Variants in TNNI3 observed in about 807,000 individuals in gnomAD.
The protein encoded by TNNI3 is troponin I3, cardiac type.
A neutral mutation model predicts 31.5 loss-of-function variants in TNNI3; 23 were observed. That is an observed-to-expected ratio of 0.73 (90% CI 0.52 to 1.03). The LOEUF (loss-of-function observed/expected upper bound fraction) is 1.03, where lower values mean the gene tolerates loss of function less well. Among genes scored for constraint, TNNI3 ranks in the 50% least tolerant of loss-of-function variants. The pLI is 0.00. For missense variants in TNNI3, 236 were observed against 282.9 expected, an observed-to-expected ratio of 0.83 and a Z score of 1.19; for synonymous variants, 120 against 111.7, an observed-to-expected ratio of 1.07 and a Z score of -0.47.
intron 6 of TNNI3, 44 bp from the exon 7 acceptor site, chr19:55,154,250 G>A (rs750903734): frequency 7.6e-6 from 12 of 1,586,750 alleles, no homozygotes; most frequent in Admixed American, 6.7e-5. Flanking sequence ...TCCATTTCCC[G>A]CACACCCAAC....
rs1014509995 is a variant in TNNI3 at position 55,152,342 on chromosome 19, A to G, written c.550-425T>C. Among the ~76,000 whole-genome samples, 6 of 151,744 alleles carry G rather than the reference A, an allele frequency of 4.0e-5. No homozygotes were observed. The highest frequency in any genetic ancestry group is 1.2e-4 in the African/African-American group (5 of 41,222). The stretch of plus-strand genomic sequence containing the variant: ...TTATAGTAGTCCCTCCTTTTCTGCA[A>G]TTTTACTTTGTGTGGTTTCAGTTAC... On this transcript the variant is annotated intron_variant, in intron 7 of 7. Coordinates refer to ENST00000344887, the MANE Select transcript of TNNI3 (RefSeq NM_000363.5). The surrounding 1 kb of genome is among the most constrained non-coding windows in gnomAD (Gnocchi z 4.0).
chr19:55,156,992 C>T lies in TNNI3; in HGVS notation c.108+58G>A, dbSNP rs567471142. The T allele has an allele frequency of 2.0e-4, 306 of 1,530,816 alleles. 1 individual carries two copies. The highest frequency in any genetic ancestry group is 1.7e-4 in the Non-Finnish European group (191 of 1,136,784). The allele number at this position is 1,530,816 out of a possible 1,614,324, so 94.8% of individuals were successfully genotyped here. ...CGCAGCCCTGGCTCCTCCCCCCACTCCCAGGGTCTTGGATCCCTCCGGCGC... is the reference window on the plus strand; with the variant it reads ...CGCAGCCCTGGCTCCTCCCCCCACTTCCAGGGTCTTGGATCCCTCCGGCGC... On this transcript the variant is annotated intron_variant, in intron 3 of 7. Coordinates refer to ENST00000344887, the MANE Select transcript of TNNI3 (RefSeq NM_000363.5). The surrounding 1 kb of genome is among the most constrained non-coding windows in gnomAD (Gnocchi z 4.6).
chr19:55,151,964 CA>C, intron 7 of TNNI3, 47 bp from the exon 8 acceptor site: 1 of 1,573,756 alleles, frequency 6.4e-7, no homozygotes, highest in Non-Finnish European at 8.7e-7. Flanking sequence ...TCTTGGTCTC[CA>C]GTCTCTCAAG....
chr19:55,156,939 A>G lies in TNNI3; in HGVS notation c.108+111T>C. ...ACCCTCTGCAAAACTCCGCCCCTGA[A>G]GCCCCTCCGCGTAGTCCCCGCCCCC... is the stretch of plus-strand genomic sequence containing the variant. On this transcript the variant is annotated intron_variant, in intron 3 of 7. Coordinates refer to ENST00000344887, the MANE Select transcript of TNNI3 (RefSeq NM_000363.5). This position sits in a 1 kb window ranked among gnomAD's most constrained non-coding sequence, Gnocchi z 4.6. 2 of 1,261,326 alleles carry G rather than the reference A, an allele frequency of 1.6e-6. No individual in the cohort carries two copies. Among genetic ancestry groups the G allele is most frequent in the Non-Finnish European group, 2.2e-6 (2 of 897,050 alleles). The allele number at this position is 1,261,326 out of a possible 1,614,324, so 78.1% of individuals were successfully genotyped here.
In TNNI3 at chr19:55,157,381, C is replaced by G. The variant is rs1406303085; in HGVS notation, c.12-73G>C. 34 of 1,609,448 alleles carry G rather than the reference C, an allele frequency of 2.1e-5. No individual in the cohort carries two copies. The highest frequency in any genetic ancestry group is 2.9e-5 in the Non-Finnish European group (34 of 1,177,468). On this transcript the variant is annotated intron_variant, in intron 1 of 7. Coordinates refer to ENST00000344887, the MANE Select transcript of TNNI3 (RefSeq NM_000363.5). This position sits in a 1 kb window ranked among gnomAD's most constrained non-coding sequence, Gnocchi z 6.3. ...TGTCTCCTAAGGGACCCCTGGAGTC[C>G]CCTCTGAACAAGAGGTCGGGGGACC... is the stretch of plus-strand genomic sequence containing the variant.
rs727503508 is a variant in TNNI3, at chr19:55,156,225, G to A, written c.258C>T (p.Ala86=). ...CCTGCAGCTCCGCGAAGCCCAGCCCGGCCAACTCCAGCGGCTGGCAGCGGG... is the reference window on the plus strand; with the variant it reads ...CCTGCAGCTCCGCGAAGCCCAGCCCAGCCAACTCCAGCGGCTGGCAGCGGG... ...LSTRCQPLEL[A]GLGFAELQDL... is the part of the protein sequence containing the mutation. Residue 86 remains alanine (A), a synonymous_variant, in exon 5 of 8, where the codon GCC becomes GCT. Coordinates refer to ENST00000344887, the MANE Select transcript of TNNI3 (RefSeq NM_000363.5). This position sits in a 1 kb window ranked among gnomAD's most constrained non-coding sequence, Gnocchi z 4.6. The A allele has an allele frequency of 3.7e-6, 6 of 1,612,562 alleles. No individual in the cohort carries two copies. The highest frequency in any genetic ancestry group is 5.1e-6 in the Non-Finnish European group (6 of 1,179,834).
Position 55,157,520 on chromosome 19 carries a change from C to T in TNNI3, c.11+59G>A. 6.2e-7 allele frequency: 1 copy of T among 1,609,358 alleles called. No individual in the cohort carries two copies. The highest frequency in any genetic ancestry group is 8.5e-7 in the Non-Finnish European group (1 of 1,176,570). Reference sequence around the variant, plus strand: ...CAAGGGTCCAGCCTCTCAGCTGCGACCCCTCTTGGGAACCCGGGAGGTCGC... The same window carrying T: ...CAAGGGTCCAGCCTCTCAGCTGCGATCCCTCTTGGGAACCCGGGAGGTCGC... On this transcript the variant is annotated intron_variant, in intron 1 of 7. Transcript: ENST00000344887. This position sits in a 1 kb window ranked among gnomAD's most constrained non-coding sequence, Gnocchi z 6.3.
chr19:55,154,779 ATC>A lies in TNNI3; in HGVS notation c.332_333del (p.Arg111IlefsTer23), dbSNP rs1555863715. The A allele has an allele frequency of 1.2e-6, 2 of 1,614,206 alleles. No individual in the cohort carries two copies. Among genetic ancestry groups the A allele is most frequent in the Non-Finnish European group, 1.7e-6 (2 of 1,180,034 alleles). On this transcript the variant is annotated frameshift_variant, in exon 6 of 8. Transcript: ENST00000344887. LOFTEE classifies it high-confidence loss of function. ...HARVDKVDEE[R>X]YDIEAKVTKN... ...TTGGTGACTTTTGCCTCTATGTCGTATCTCTCTTCATCCACCTTGTCCACACG... is the reference window on the plus strand; with the variant it reads ...TTGGTGACTTTTGCCTCTATGTCGTATCTCTTCATCCACCTTGTCCACACG...
At position 55,152,603 on chromosome 19, in the gene TNNI3, C is replaced by T. The variant is rs28591612; in HGVS notation, c.550-686G>A. Among the ~76,000 whole-genome samples, 3,991 of 152,216 alleles carry T rather than the reference C, an allele frequency of 0.026. 181 individuals carry two copies. Among genetic ancestry groups the T allele is most frequent in the African/African-American group, 0.091 (3,771 of 41,506 alleles). On this transcript the variant is annotated intron_variant, in intron 7 of 7. Coordinates refer to ENST00000344887, the MANE Select transcript of TNNI3 (RefSeq NM_000363.5). The surrounding 1 kb of genome is among the most constrained non-coding windows in gnomAD (Gnocchi z 4.0). The stretch of plus-strand genomic sequence containing the variant: ...GAGACCACATTCATGAGTTTTATTA[C>T]AATCTGTTATAATTGTTCTATTTTA...
chr19:55,156,475 C>A lies in TNNI3; in HGVS notation c.150+128G>T. ...CCGTCCCACCCCGAGCAGTACTCCC[C>A]GCTAAAGCCACGCCCCGAGCGGCCA... On this transcript the variant is annotated intron_variant, in intron 4 of 7. Transcript: ENST00000344887. The surrounding 1 kb of genome is among the most constrained non-coding windows in gnomAD (Gnocchi z 4.6). 6.6e-7 allele frequency: 1 copy of A among 1,505,644 alleles called. No homozygotes were observed. Among genetic ancestry groups the A allele is most frequent in the South Asian group, 1.2e-5 (1 of 82,706 alleles). The allele number at this position is 1,505,644 out of a possible 1,614,324, so 93.3% of individuals were successfully genotyped here.
At chr19:55,154,633 G>C (rs973279027) in intron 6 of TNNI3, 108 bp downstream of exon 6, 1 of 926,654 alleles carries the variant, frequency 1.1e-6, no homozygotes, top group Non-Finnish European at 1.7e-6. Context: ...AGTTGTCCTG[G>C]GTCTCCTGGG....
chr19:55,153,062 C>T (rs909420970), intron 7 of TNNI3, among the ~76,000 whole-genome samples: 8 of 151,814 alleles, frequency 5.3e-5, no homozygotes, highest in Non-Finnish European at 1.0e-4. Context: ...CCTCCCAAAG[C>T]GCTGGGATTA....
chr19:55,154,382 C>T (rs1386293399), intron 6 of TNNI3, 176 bp from the exon 7 acceptor site: 1 of 703,558 alleles, frequency 1.4e-6, no homozygotes, highest in African/African-American at 1.8e-5. Flanking sequence ...GAATCCCCCT[C>T]CTCATATGCT....
Position 55,156,055 on chromosome 19 carries a change from G to T in TNNI3, c.282+146C>A. On this transcript the variant is annotated intron_variant, in intron 5 of 7. Coordinates refer to ENST00000344887, the MANE Select transcript of TNNI3 (RefSeq NM_000363.5). This position sits in a 1 kb window ranked among gnomAD's most constrained non-coding sequence, Gnocchi z 4.6. ...AGACTCCACAGACCTGCACACAAAG[G>T]GTGTTAGGGGCCAGGAGTCCCACGA... 1 of 1,214,356 alleles carries T rather than the reference G, an allele frequency of 8.2e-7. No individual in the cohort carries two copies. Among genetic ancestry groups the T allele is most frequent in the South Asian group, 1.3e-5 (1 of 78,308 alleles). 75.2% of individuals were successfully genotyped at this position (1,214,356 alleles called of 1,614,324 possible).
Position 55,156,138 on chromosome 19 carries a change from G to C in TNNI3, c.282+63C>G. ...GGACGCCTGGGTCCCGAGCAGAAGA[G>C]GGGATAGAGGCTGTACTGCTGAATT... On this transcript the variant is annotated intron_variant, in intron 5 of 7. Coordinates refer to ENST00000344887, the MANE Select transcript of TNNI3 (RefSeq NM_000363.5). The surrounding 1 kb of genome is among the most constrained non-coding windows in gnomAD (Gnocchi z 4.6). 6.2e-6 allele frequency: 10 copies of C among 1,611,888 alleles called. No individual in the cohort carries two copies. Among genetic ancestry groups the C allele is most frequent in the Non-Finnish European group, 8.5e-6 (10 of 1,179,230 alleles).
Position 55,154,751 on chromosome 19 carries a change from T to A in TNNI3, c.362A>T (p.Asn121Ile), listed in dbSNP as rs2085716252. 6.2e-7 allele frequency: 1 copy of A among 1,614,182 alleles called. No homozygotes were observed. The highest frequency in any genetic ancestry group is 8.5e-7 in the Non-Finnish European group (1 of 1,180,014). Residue 121 changes from asparagine (N) to isoleucine (I), a missense_variant, in exon 6 of 8, where the codon AAC (asparagine) becomes ATC (isoleucine). Transcript: ENST00000344887. ...GCCCATGCGTCCCACCTCCGTGATG[T>A]TCTTGGTGACTTTTGCCTCTATGTC... Reference protein sequence around the residue: ...RYDIEAKVTKNITEIADLTQK... With the variant: ...RYDIEAKVTKIITEIADLTQK...
Position 55,157,718 on chromosome 19 carries a change from C to T in TNNI3, c.-129G>A. ...TCAGTCTCCTCCGGGCTGCTTGAGACTCCCCGAGGACACTGAGATAAAGGG... is the reference window on the plus strand; with the variant it reads ...TCAGTCTCCTCCGGGCTGCTTGAGATTCCCCGAGGACACTGAGATAAAGGG... On this transcript the variant is annotated 5_prime_UTR_variant, in exon 1 of 8. Transcript: ENST00000344887. This position sits in a 1 kb window ranked among gnomAD's most constrained non-coding sequence, Gnocchi z 6.3. 1 of 1,020,768 alleles carries T rather than the reference C, an allele frequency of 9.8e-7. No individual in the cohort carries two copies. The highest frequency in any genetic ancestry group is 1.5e-6 in the Non-Finnish European group (1 of 660,768). 63.2% of individuals were successfully genotyped at this position (1,020,768 alleles called of 1,614,324 possible).
chr19:55,157,397 T>A lies in TNNI3; in HGVS notation c.12-89A>T. 3 of 1,603,418 alleles carry A rather than the reference T, an allele frequency of 1.9e-6. No individual in the cohort carries two copies. The highest frequency in any genetic ancestry group is 1.7e-6 in the Non-Finnish European group (2 of 1,172,302). ...CCTGGAGTCCCCTCTGAACAAGAGG[T>A]CGGGGGACCGCGCTTCCCCTTCCTT... On this transcript the variant is annotated intron_variant, in intron 1 of 7. Coordinates refer to ENST00000344887, the MANE Select transcript of TNNI3 (RefSeq NM_000363.5). This position sits in a 1 kb window ranked among gnomAD's most constrained non-coding sequence, Gnocchi z 6.3.
In TNNI3 at chr19:55,156,461, C is replaced by A. The variant is rs544623492; in HGVS notation, c.151-129G>T. On this transcript the variant is annotated intron_variant, in intron 4 of 7. Coordinates refer to ENST00000344887, the MANE Select transcript of TNNI3 (RefSeq NM_000363.5). This position sits in a 1 kb window ranked among gnomAD's most constrained non-coding sequence, Gnocchi z 4.6. ...ACTGTTCCAAGGCCCCGTCCCACCC[C>A]GAGCAGTACTCCCCGCTAAAGCCAC... 6.0e-6 allele frequency: 9 copies of A among 1,499,568 alleles called. No individual in the cohort carries two copies. The highest frequency in any genetic ancestry group is 2.5e-5 in the East Asian group (1 of 40,612). The allele number at this position is 1,499,568 out of a possible 1,614,324, so 92.9% of individuals were successfully genotyped here.
Sources: allele counts gnomAD v4.1 joint callset (sites outside exome capture counted in the v4.1 genomes callset), GRCh38; gene constraint gnomAD v4.1.1; non-coding constraint Gnocchi (gnomAD v3.1); transcripts MANE v1.5; gene names NCBI Gene and HGNC (gene_info 2026-07-23, HGNC 2026-07-21).